The following POPDC1 variants were observed in gnomAD, a reference collection of about 807,000 sequenced individuals.
POPDC1 encodes popeye domain cAMP effector 1.
chr6:105,128,761 A>G, the POPDC1 span, among the ~76,000 whole-genome samples: 2 of 152,208 alleles, frequency 1.3e-5, no homozygotes, highest in Non-Finnish European at 2.9e-5. Context: ...CTTTTACTTT[A>G]CTGAATGTTT....
At chr6:105,108,474 A>T in the POPDC1 span, among the ~76,000 whole-genome samples, 1 of 152,234 alleles carries the variant, frequency 6.6e-6, no homozygotes, top group African/African-American at 2.4e-5. Flanking sequence ...ATAGAGGACA[A>T]CCACTCAGAG....
chr6:105,107,638 CCT>C, the POPDC1 span, among the ~76,000 whole-genome samples: 66 of 152,218 alleles, frequency 4.3e-4, no homozygotes, highest in Non-Finnish European at 3.4e-4. Context: ...TCTTTTCTCC[CCT>C]GTTAACTTTA....
the POPDC1 span, among the ~76,000 whole-genome samples, chr6:105,127,356 T>TCATTATCTAC: frequency 6.6e-6 from 1 of 152,286 alleles, no homozygotes; most frequent in Admixed American, 6.5e-5. Flanking sequence ...GAAAATGCAA[T>TCATTATCTAC]CATTATCTAC....
At chr6:105,100,789 T>C in the POPDC1 span, 1 of 189,240 alleles carries the variant, frequency 5.3e-6, no homozygotes, top group Non-Finnish European at 1.1e-5. Flanking sequence ...ATTGAGAGAT[T>C]GCTAAGATTT....
the POPDC1 span, among the ~76,000 whole-genome samples, chr6:105,134,620 T>G: frequency 2.0e-5 from 3 of 152,170 alleles, no homozygotes; most frequent in South Asian, 2.1e-4. Context: ...CTTAACATAC[T>G]AAAGGTTTTA....
the POPDC1 span, among the ~76,000 whole-genome samples, chr6:105,113,995 C>T: frequency 6.6e-6 from 1 of 151,266 alleles, no homozygotes; most frequent in African/African-American, 2.4e-5. Flanking sequence ...CAAAAAAAAA[C>T]AGGAGATTAA....
At chr6:105,110,802 G>A in the POPDC1 span, among the ~76,000 whole-genome samples, 1 of 152,056 alleles carries the variant, frequency 6.6e-6, no homozygotes, top group East Asian at 1.9e-4. Flanking sequence ...TCTTAGCTCA[G>A]CCTCCCAAGT....
At chr6:105,112,425 G>T in the POPDC1 span, among the ~76,000 whole-genome samples, 1 of 152,142 alleles carries the variant, frequency 6.6e-6, no homozygotes, top group Non-Finnish European at 1.5e-5. Flanking sequence ...ATGTAAAAAG[G>T]TTTAAGGAAA....
At chr6:105,115,782 A>T in the POPDC1 span, 1 of 1,614,108 alleles carries the variant, frequency 6.2e-7, no homozygotes, top group Non-Finnish European at 8.5e-7. Flanking sequence ...TCCAACATGG[A>T]GATCTGTGTG....
the POPDC1 span, chr6:105,129,510 A>C: frequency 2.5e-4 from 397 of 1,602,210 alleles, 1 homozygote; most frequent in Admixed American, 1.1e-3. Flanking sequence ...CATCCTGTTG[A>C]AGAGCAAAGT....
At chr6:105,119,184 C>CA in the POPDC1 span, among the ~76,000 whole-genome samples, 86,477 of 111,216 alleles carry the variant, frequency 0.78, 34,974 homozygotes, top group Non-Finnish European at 0.87. Flanking sequence ...GACTCCCTCT[C>CA]AAAAAAAAAA....
the POPDC1 span, among the ~76,000 whole-genome samples, chr6:105,126,940 T>C: frequency 6.6e-6 from 1 of 152,346 alleles, no homozygotes; most frequent in South Asian, 2.1e-4. Flanking sequence ...GGCTGGCTAC[T>C]GGAGGAAGAG....
At chr6:105,125,586 G>T in the POPDC1 span, 5 of 1,613,306 alleles carry the variant, frequency 3.1e-6, no homozygotes, top group African/African-American at 4.0e-5. Flanking sequence ...TACCTGAAAT[G>T]CAGCAATGAC....
chr6:105,136,930 G>C, the POPDC1 span: 2 of 152,252 alleles, frequency 1.3e-5, no homozygotes, highest in African/African-American at 2.4e-5. Context: ...AACCCGGCGC[G>C]GGGGGAAAGC....
At chr6:105,133,533 T>C in the POPDC1 span, 3 of 1,613,758 alleles carry the variant, frequency 1.9e-6, no homozygotes, top group East Asian at 2.2e-5. Context: ...GTGTAAAACC[T>C]ATGGCAGTTG....
At chr6:105,135,817 GTTTAC>G in the POPDC1 span, among the ~76,000 whole-genome samples, 3 of 152,070 alleles carry the variant, frequency 2.0e-5, no homozygotes, top group Non-Finnish European at 4.4e-5. Flanking sequence ...GATCAGATCA[GTTTAC>G]TTTGATTACC....
the POPDC1 span, among the ~76,000 whole-genome samples, chr6:105,119,243 T>C: frequency 1.4e-5 from 2 of 145,348 alleles, no homozygotes; most frequent in African/African-American, 5.1e-5. Context: ...TCAGCCCAAA[T>C]CTATTTTCCC....
the POPDC1 span, chr6:105,100,562 ATATATATGTATGTATGTATG>A: frequency 4.0e-4 from 56 of 138,926 alleles, no homozygotes; most frequent in African/African-American, 1.6e-3. Flanking sequence ...GTATATATAT[ATATATATGTATGTATGTATG>A]TGTGTGTGTG....
the POPDC1 span, chr6:105,116,649 A>G: frequency 2.8e-6 from 4 of 1,414,488 alleles, no homozygotes; most frequent in African/African-American, 4.4e-5. Context: ...ATAAAGTGAA[A>G]TATACCTCAT....
Sources: allele counts gnomAD v4.1 joint callset (sites outside exome capture counted in the v4.1 genomes callset), GRCh38; gene constraint gnomAD v4.1.1; transcripts MANE v1.5; gene names NCBI Gene and HGNC (gene_info 2026-07-23, HGNC 2026-07-21).